FREM2: variants seen among roughly 807,000 people sequenced by gnomAD.
FREM2 encodes FRAS1 related extracellular matrix 2.
Under a neutral mutation model 219.9 loss-of-function variants are expected in FREM2, and 119 were observed. That is an observed-to-expected ratio of 0.54 (90% CI 0.47 to 0.63). The LOEUF is 0.63. Ranked by LOEUF, FREM2 falls within the 30% of genes least tolerant of loss-of-function variation. FREM2 has a pLI of 0.00. For synonymous variants in FREM2, 1,562 were observed against 1,522.8 expected, an observed-to-expected ratio of 1.03 and a Z score of -0.60; for missense variants, 4,030 against 3,993.6, an observed-to-expected ratio of 1.01 and a Z score of -0.25.
At chr13:38,766,361 C>G (rs1873435001) in intron 3 of FREM2, among the ~76,000 whole-genome samples, 1 of 152,134 alleles carries the variant, frequency 6.6e-6, no homozygotes, top group Non-Finnish European at 1.5e-5. Context: ...ACTTGGTTCA[C>G]TTCACATGGT....
At chr13:38,810,938 C>G (rs977075835) in intron 6 of FREM2, among the ~76,000 whole-genome samples, 3 of 151,952 alleles carry the variant, frequency 2.0e-5, no homozygotes, top group Non-Finnish European at 4.4e-5. Flanking sequence ...CTGTCAGCTC[C>G]CAAGCTTTTC....
intron 18 of FREM2, 65 bp downstream of exon 18, chr13:38,874,651 C>A (rs1033266560): frequency 7.8e-7 from 1 of 1,275,440 alleles, no homozygotes; most frequent in South Asian, 1.2e-5. Flanking sequence ...TCCATCTTCA[C>A]ACATTTCAGC....
Position 38,690,873 on chromosome 13 carries a change from C to T in FREM2, c.3529C>T (p.Gln1177Ter). 1 of 1,614,138 alleles carries T rather than the reference C, an allele frequency of 6.2e-7. No individual in the cohort carries two copies. The highest frequency in any genetic ancestry group is 8.5e-7 in the Non-Finnish European group (1 of 1,180,014). Residue 1177 changes from glutamine to a stop codon, truncating the protein, a stop_gained, in exon 1 of 24, where the codon CAG becomes TAG. Transcript: ENST00000280481. LOFTEE classifies it high-confidence loss of function. The part of the protein sequence containing the change: ...CSDGINFSER[Q>*]FFPIVIIPTN... ...TGATGGCATTAACTTTTCAGAGAGA[C>T]AGTTCTTCCCCATTGTAATCATTCC...
At chr13:38,856,927 GT>G (rs1462069941) in intron 12 of FREM2, among the ~76,000 whole-genome samples, 1 of 150,556 alleles carries the variant, frequency 6.6e-6, no homozygotes, top group Non-Finnish European at 1.5e-5. Flanking sequence ...TTTTTTATTT[GT>G]TTCACTTTAG....
At position 38,851,871 on chromosome 13, in the gene FREM2, A is replaced by G. The variant is rs761440332; in HGVS notation, c.6925+3A>G. 18 of 1,613,068 alleles carry G rather than the reference A, an allele frequency of 1.1e-5. No individual in the cohort carries two copies. The highest frequency in any genetic ancestry group is 2.2e-5 in the East Asian group (1 of 44,842). ...AGACTACCACCCTGTGTCAGAAGGT[A>G]TGGGGCTCCCAGGGCCTGTCTCCTG... On this transcript the variant is annotated splice_donor_region_variant and intron_variant, in intron 11 of 23. Transcript: ENST00000280481.
intron 2 of FREM2, among the ~76,000 whole-genome samples, chr13:38,721,671 C>G (rs1871268213): frequency 6.6e-6 from 1 of 152,110 alleles, no homozygotes; most frequent in Non-Finnish European, 1.5e-5. Context: ...TTTCACAGTT[C>G]TTGTTTCTGA....
intron 2 of FREM2, among the ~76,000 whole-genome samples, chr13:38,703,740 A>G (rs1265795668): frequency 1.3e-5 from 2 of 152,176 alleles, no homozygotes; most frequent in Non-Finnish European, 1.5e-5. Context: ...CCAAAATTAT[A>G]CATTATATGA....
intron 6 of FREM2, among the ~76,000 whole-genome samples, chr13:38,816,306 C>T (rs1420027944): frequency 1.3e-5 from 2 of 152,050 alleles, no homozygotes; most frequent in African/African-American, 4.8e-5. Context: ...TTAGGATCTC[C>T]AGTGAACATA....
At chr13:38,821,572 G>A (rs1876057562) in intron 6 of FREM2, 1 of 151,906 alleles carries the variant, frequency 6.6e-6, no homozygotes, top group African/African-American at 2.4e-5. Flanking sequence ...CTAAGAAACA[G>A]GTCTTTTTTC....
chr13:38,723,862 T>A (rs952923597), intron 2 of FREM2, among the ~76,000 whole-genome samples: 3 of 152,222 alleles, frequency 2.0e-5, no homozygotes, highest in Non-Finnish European at 4.4e-5. Flanking sequence ...AAGAGGAGAT[T>A]CTATTATTTA....
At chr13:38,710,664 G>A (rs1028191966) in intron 2 of FREM2, among the ~76,000 whole-genome samples, 4 of 152,140 alleles carry the variant, frequency 2.6e-5, no homozygotes, top group African/African-American at 9.7e-5. Flanking sequence ...GTCACCACAC[G>A]GCACTTAGTA....
intron 2 of FREM2, among the ~76,000 whole-genome samples, chr13:38,717,899 A>G (rs1593362776): frequency 1.3e-5 from 2 of 152,342 alleles, no homozygotes; most frequent in East Asian, 1.9e-4. Flanking sequence ...TTAATACTTG[A>G]AAGACTATTA....
intron 11 of FREM2, among the ~76,000 whole-genome samples, chr13:38,855,671 C>A (rs1877526608): frequency 6.6e-6 from 1 of 152,048 alleles, no homozygotes; most frequent in Non-Finnish European, 1.5e-5. Context: ...TAAGTGGGAG[C>A]TAAGCTATGA....
At chr13:38,785,281 C>G (rs555497400) in intron 6 of FREM2, among the ~76,000 whole-genome samples, 1 of 152,134 alleles carries the variant, frequency 6.6e-6, no homozygotes, top group Admixed American at 6.5e-5. Flanking sequence ...GCCACTCTGC[C>G]CCAAAACAGG....
In FREM2 at chr13:38,838,779, C is replaced by T. The variant is rs548883895; in HGVS notation, c.6020-7794C>T. 5.3e-5 allele frequency among the ~76,000 whole-genome samples: 8 copies of T among 152,242 alleles called. No individual in the cohort carries two copies. In the South Asian group the frequency reaches 1.2e-3, roughly 24 times the overall value. ...GCTATTGATACTTGTGTATGCTTCA[C>T]GAAGTTCTCGTGCTGTGTTTTTCAG... On this transcript the variant is annotated intron_variant, in intron 6 of 23. Coordinates refer to ENST00000280481, the MANE Select transcript of FREM2 (RefSeq NM_207361.6).
At chr13:38,706,601 A>C (rs1870551322) in intron 2 of FREM2, among the ~76,000 whole-genome samples, 1 of 152,206 alleles carries the variant, frequency 6.6e-6, no homozygotes, top group Non-Finnish European at 1.5e-5. Context: ...TGCTTATGGA[A>C]ACAATTTGTA....
intron 6 of FREM2, among the ~76,000 whole-genome samples, chr13:38,799,852 A>G (rs149750203): frequency 1.3e-5 from 2 of 151,898 alleles, no homozygotes; most frequent in African/African-American, 2.4e-5. Context: ...TTTTGAATCT[A>G]TATGTGTCTT....
chr13:38,812,547 G>A (rs998561832), intron 6 of FREM2, among the ~76,000 whole-genome samples: 1 of 152,034 alleles, frequency 6.6e-6, no homozygotes, highest in Non-Finnish European at 1.5e-5. Context: ...AACACTGATT[G>A]TATAACAACC....
intron 4 of FREM2, among the ~76,000 whole-genome samples, chr13:38,772,222 T>G (rs1192247519): frequency 6.6e-6 from 1 of 152,188 alleles, no homozygotes; most frequent in East Asian, 1.9e-4. Flanking sequence ...AGCTCATATT[T>G]GTGCTGGGTA....
Sources: allele counts gnomAD v4.1 joint callset (sites outside exome capture counted in the v4.1 genomes callset), GRCh38; gene constraint gnomAD v4.1.1; transcripts MANE v1.5; gene names NCBI Gene and HGNC (gene_info 2026-07-23, HGNC 2026-07-21).